PCDHA7: variants seen among roughly 807,000 people sequenced by gnomAD.
The protein encoded by PCDHA7 is protocadherin alpha-7.
PCDHA7 carries 37 observed loss-of-function variants against 57.2 expected under a neutral mutation model. The ratio of observed to expected loss-of-function variants is 0.65; its 90% CI spans 0.50 to 0.85. The LOEUF is 0.85. Among genes scored for constraint, PCDHA7 ranks in the 40% least tolerant of loss-of-function variants. The pLI, the probability that PCDHA7 is intolerant of heterozygous loss-of-function variation, is 0.00. For synonymous variants in PCDHA7, 553 were observed against 558.8 expected (o/e 0.99, Z 0.15); for missense variants, 1,188 against 1,241.8 (o/e 0.96, Z 0.65).
chr5:140,870,167 C>A, intron 1 of PCDHA7: 1 of 1,614,134 alleles, frequency 6.2e-7, no homozygotes, highest in East Asian at 2.2e-5. Context: ...ACTTCCTTGT[C>A]CCTCCCAGTA....
intron 1 of PCDHA7, among the ~76,000 whole-genome samples, chr5:140,899,097 T>A (rs1160754058): frequency 2.0e-5 from 3 of 151,826 alleles, no homozygotes; most frequent in Non-Finnish European, 4.4e-5. Flanking sequence ...TGGGCTGAGA[T>A]AATGGGGTTT....
chr5:140,927,839 G>T (rs782594719), intron 1 of PCDHA7: 1 of 1,614,208 alleles, frequency 6.2e-7, no homozygotes, highest in South Asian at 1.1e-5. Context: ...AGGGACGAAG[G>T]TGTCTTTGGT....
At chr5:141,004,810 A>G (rs2098182429) in intron 3 of PCDHA7, among the ~76,000 whole-genome samples, 1 of 152,224 alleles carries the variant, frequency 6.6e-6, no homozygotes, top group Non-Finnish European at 1.5e-5. Flanking sequence ...GCTCAATTGC[A>G]GATTTGATTA....
chr5:140,902,207 T>C (rs949937318), intron 1 of PCDHA7, among the ~76,000 whole-genome samples: 8 of 148,564 alleles, frequency 5.4e-5, no homozygotes, highest in South Asian at 4.3e-4. Flanking sequence ...CTCTTTCTTT[T>C]TTTTTTTTTT....
At chr5:140,889,213 G>A (rs1463412254) in intron 1 of PCDHA7, among the ~76,000 whole-genome samples, 1 of 151,602 alleles carries the variant, frequency 6.6e-6, no homozygotes, top group African/African-American at 2.4e-5. Context: ...TAACAAAGAA[G>A]AATAGTCTTT....
intron 1 of PCDHA7, among the ~76,000 whole-genome samples, chr5:140,897,960 T>C (rs2066423336): frequency 6.6e-6 from 1 of 152,276 alleles, no homozygotes; most frequent in South Asian, 2.1e-4. Flanking sequence ...CATTTTTTCA[T>C]GTGTCTTTTG....
Position 140,841,742 on chromosome 5 carries a change from T to G in PCDHA7, c.2355+5004T>G, listed in dbSNP as rs2150322045. On this transcript the variant is annotated intron_variant, in intron 1 of 3. Transcript: ENST00000525929. ...GTTCCGGGTAAAAGACCAAAAGCTG[T>G]TTGTTTCAGAATCCAGAATGCCAGA... 8 of 1,613,830 alleles carry G rather than the reference T, an allele frequency of 5.0e-6. 1 individual carries two copies. In the South Asian group the frequency reaches 8.8e-5, roughly 18 times the overall value.
intron 1 of PCDHA7, among the ~76,000 whole-genome samples, chr5:140,844,363 T>A (rs1464433937): frequency 6.7e-6 from 1 of 149,592 alleles, no homozygotes; most frequent in Non-Finnish European, 1.5e-5. Context: ...GGAAGAGATT[T>A]GTAATCCTTC....
At position 141,010,191 on chromosome 5, in the gene PCDHA7, C is replaced by T; in HGVS notation, c.*254C>T. 1 of 1,552,476 alleles carries T rather than the reference C, an allele frequency of 6.4e-7. No homozygotes were observed. The highest frequency in any genetic ancestry group is 1.4e-5 in the African/African-American group (1 of 73,166). ...AACCTAAAAAGCAGACCCAAGTTTCCTTTCTCCTCCGCCGCAAAGGAGAGG... is the reference window on the plus strand; with the variant it reads ...AACCTAAAAAGCAGACCCAAGTTTCTTTTCTCCTCCGCCGCAAAGGAGAGG... On this transcript the variant is annotated 3_prime_UTR_variant, in exon 4 of 4. Transcript: ENST00000525929.
intron 1 of PCDHA7, chr5:140,852,515 A>G (rs1258070118): frequency 9.7e-6 from 3 of 310,304 alleles, no homozygotes; most frequent in African/African-American, 6.9e-5. Flanking sequence ...TGACCTTGTG[A>G]TGCTCCCACC....
intron 1 of PCDHA7, chr5:140,842,447 G>T (rs200777298): frequency 6.2e-7 from 1 of 1,613,672 alleles, no homozygotes; most frequent in African/African-American, 1.3e-5. Flanking sequence ...TAGCGTGAAC[G>T]ACCTCGATTC....
rs376607115 is a variant in PCDHA7 at position 141,006,474 on chromosome 5, A to G, written c.2504-3153A>G. Among the ~76,000 whole-genome samples, 193 of 152,188 alleles carry G rather than the reference A, an allele frequency of 1.3e-3. 1 individual carries two copies. The highest frequency in any genetic ancestry group is 4.5e-3 in the African/African-American group (185 of 41,520). ...GAGATCTGCCTGTCTCGGCCTCCCA[A>G]AGTGCTGGGATTACATGTGTGAGCC... On this transcript the variant is annotated intron_variant, in intron 3 of 3. Transcript: ENST00000525929.
chr5:140,882,057 A>C, intron 1 of PCDHA7: 1 of 790,730 alleles, frequency 1.3e-6, no homozygotes, highest in Non-Finnish European at 1.9e-6. Context: ...ACTTACACTT[A>C]CACGTTCATG....
intron 1 of PCDHA7, among the ~76,000 whole-genome samples, chr5:140,846,903 G>A (rs941589214): frequency 2.7e-5 from 4 of 149,652 alleles, no homozygotes; most frequent in Non-Finnish European, 6.0e-5. Flanking sequence ...GAAGTTGAAA[G>A]ACAATCATTT....
chr5:140,835,821 G>A lies in PCDHA7; in HGVS notation c.1438G>A (p.Gly480Arg), dbSNP rs2150245813. The part of the protein sequence containing the change: ...PGCHIFTVSA[G>R]DADAQKNALV... ...CTGCCACATCTTCACTGTGTCGGCG[G>A]GGGACGCGGACGCGCAGAAGAACGC... is the stretch of plus-strand genomic sequence containing the variant. The change falls in exon 1 of 4, where the codon GGG (glycine) becomes AGG (arginine). Residue 480 changes from glycine (G) to arginine (R), a missense_variant. Physicochemically the swap from Gly to Arg is moderately radical, Grantham distance 125. Transcript: ENST00000525929. The A allele has an allele frequency of 1.9e-6, 3 of 1,612,596 alleles. No homozygotes were observed. In the African/African-American group the frequency reaches 4.0e-5, roughly 22 times the overall value.
At chr5:140,845,023 G>A (rs1554140814) in intron 1 of PCDHA7, among the ~76,000 whole-genome samples, 2 of 149,032 alleles carry the variant, frequency 1.3e-5, no homozygotes, top group African/African-American at 2.5e-5. Flanking sequence ...AATCATTTAT[G>A]GGCATATTTT....
chr5:140,985,606 C>A (rs1008038466), intron 3 of PCDHA7, among the ~76,000 whole-genome samples: 1 of 152,300 alleles, frequency 6.6e-6, no homozygotes, highest in South Asian at 2.1e-4. Context: ...AGAGCCCTTT[C>A]CGTGAACCAG....
At chr5:140,965,388 C>A (rs2095896527) in intron 1 of PCDHA7, among the ~76,000 whole-genome samples, 1 of 151,982 alleles carries the variant, frequency 6.6e-6, no homozygotes, top group Non-Finnish European at 1.5e-5. Flanking sequence ...CACAGAAGAA[C>A]AGAAGTCTAA....
chr5:140,876,979 G>T lies in PCDHA7; in HGVS notation c.2355+40241G>T. ...GGTGGAGCGGCGGGTGGGCGAGCAC[G>T]CACTGTCGAGCTACGTGTCGGTGCA... On this transcript the variant is annotated intron_variant, in intron 1 of 3. Transcript: ENST00000525929. The T allele has an allele frequency of 2.5e-6, 4 of 1,612,614 alleles. No homozygotes were observed. The South Asian group carries it at 3.3e-5, about 13-fold the overall frequency.
Sources: gnomAD v4.1 joint callset for allele counts (sites outside exome capture counted in the v4.1 genomes callset) on GRCh38, gnomAD v4.1.1 for gene constraint, MANE v1.5 for transcripts, NCBI Gene and HGNC (gene_info 2026-07-23, HGNC 2026-07-21) for gene names.